The following SHB variants were observed in gnomAD, a reference collection of about 807,000 sequenced individuals.
SHB encodes SH2 domain-containing adapter protein B.
SHB carries 20 observed loss-of-function variants against 52.3 expected under a neutral mutation model. That is an observed-to-expected ratio of 0.38 (90% CI 0.27 to 0.56). The LOEUF (loss-of-function observed/expected upper bound fraction) is 0.56, where lower values mean the gene tolerates loss of function less well. Among genes scored for constraint, SHB ranks in the 20% least tolerant of loss-of-function variants. The probability of loss-of-function intolerance (pLI) is 0.71; values close to 1 mark genes in which losing one functional copy is unlikely to be tolerated. For synonymous variants in SHB, 397 were observed against 316.5 expected, an observed-to-expected ratio of 1.25 and a Z score of -2.70; for missense variants, 825 against 723.3, an observed-to-expected ratio of 1.14 and a Z score of -1.61.
At position 38,027,362 on chromosome 9, in the gene SHB, C is replaced by T. The variant is rs140203165; in HGVS notation, c.718-11231G>A. Among the ~76,000 whole-genome samples the T allele has an allele frequency of 7.2e-5, 11 of 152,208 alleles. No individual in the cohort carries two copies. The East Asian group carries it at 2.1e-3, about 29-fold the overall frequency. On this transcript the variant is annotated intron_variant, in intron 1 of 5. Transcript: ENST00000377707. Reference sequence around the variant, plus strand: ...TGCAGGAGAAGCTGAGTCAATGAACCAAGGGATACATAGTGCCTGTCACAT... The same window carrying T: ...TGCAGGAGAAGCTGAGTCAATGAACTAAGGGATACATAGTGCCTGTCACAT...
At chr9:38,042,807 T>G (rs1219714516) in intron 1 of SHB, among the ~76,000 whole-genome samples, 1 of 152,152 alleles carries the variant, frequency 6.6e-6, no homozygotes, top group Admixed American at 6.5e-5. Context: ...TAATTCTCAC[T>G]ATCCCCACCA....
chr9:37,956,959 C>G (rs1405653014), intron 3 of SHB, among the ~76,000 whole-genome samples: 1 of 152,230 alleles, frequency 6.6e-6, no homozygotes, highest in Non-Finnish European at 1.5e-5. Flanking sequence ...TGTGTCTGCT[C>G]AATGCACACA....
intron 3 of SHB, among the ~76,000 whole-genome samples, chr9:37,958,943 G>A (rs1324376666): frequency 6.6e-6 from 1 of 152,194 alleles, no homozygotes; most frequent in Non-Finnish European, 1.5e-5. Flanking sequence ...GTGACCTTGG[G>A]CAGGGGAGAG....
At chr9:37,992,616 T>C (rs1452899173) in intron 2 of SHB, among the ~76,000 whole-genome samples, 1 of 152,182 alleles carries the variant, frequency 6.6e-6, no homozygotes, top group Non-Finnish European at 1.5e-5. Flanking sequence ...GTCTGCCCCG[T>C]ACTTTATCCC....
chr9:37,991,274 G>C (rs973126204), intron 2 of SHB, among the ~76,000 whole-genome samples: 2 of 152,166 alleles, frequency 1.3e-5, no homozygotes. Context: ...GGCAGGGCTA[G>C]AATTTCCCAC....
intron 1 of SHB, among the ~76,000 whole-genome samples, chr9:38,045,766 G>C (rs540352127): frequency 6.6e-6 from 1 of 152,166 alleles, no homozygotes; most frequent in Non-Finnish European, 1.5e-5. Context: ...TTTTTGACAT[G>C]AGAACGTGGG....
chr9:37,968,600 G>C (rs1396569013), intron 3 of SHB, among the ~76,000 whole-genome samples: 1 of 152,240 alleles, frequency 6.6e-6, no homozygotes, highest in Non-Finnish European at 1.5e-5. Flanking sequence ...CGGAGACAAA[G>C]CTTCAGATGG....
intron 5 of SHB, among the ~76,000 whole-genome samples, chr9:37,921,326 G>C (rs569948765): frequency 6.6e-6 from 1 of 152,136 alleles, no homozygotes; most frequent in Non-Finnish European, 1.5e-5. Flanking sequence ...AGCCGCTGTC[G>C]CTCCCACAGG....
At chr9:37,981,101 C>A (rs890899389) in intron 2 of SHB, among the ~76,000 whole-genome samples, 2 of 152,236 alleles carry the variant, frequency 1.3e-5, no homozygotes. Flanking sequence ...TAGTCCCTAA[C>A]AAGAGAGGCA....
chr9:37,945,040 T>C (rs879612329), intron 5 of SHB, among the ~76,000 whole-genome samples: 15 of 152,102 alleles, frequency 9.9e-5, no homozygotes, highest in Admixed American at 4.6e-4. Flanking sequence ...TACGGAGGGC[T>C]CTGAAAAATA....
At chr9:37,955,268 C>T (rs17516779) in intron 4 of SHB, among the ~76,000 whole-genome samples, 10,630 of 152,248 alleles carry the variant, frequency 0.07, 455 homozygotes, top group South Asian at 0.11. Flanking sequence ...TGCAGTTCCT[C>T]CTGCCATTGA....
chr9:38,046,825 C>A (rs150771792), intron 1 of SHB, among the ~76,000 whole-genome samples: 14 of 152,340 alleles, frequency 9.2e-5, no homozygotes, highest in Admixed American at 3.9e-4. Flanking sequence ...ATCCCTTCGT[C>A]GCTTGTGGCT....
chr9:37,919,196 C>A lies in SHB; in HGVS notation c.*625G>T, dbSNP rs1415824548. 2 of 152,774 alleles carry A rather than the reference C, an allele frequency of 1.3e-5. No homozygotes were observed. The highest frequency in any genetic ancestry group is 6.8e-3 in the Middle Eastern group (2 of 294). The allele number at this position is 152,774 out of a possible 1,614,324, so 9.5% of individuals were successfully genotyped here. A position where few individuals can be genotyped will look rare whatever the true frequency, so the allele number is the denominator to read the frequency against. On this transcript the variant is annotated 3_prime_UTR_variant, in exon 6 of 6. Transcript: ENST00000377707. ...AATAATTGAATCCTCTTTTTGACTG[C>A]ACAATGATTCCTTGAAGATAGCCTA...
At position 37,968,131 on chromosome 9, in the gene SHB, TG is replaced by T. The variant is rs754618293; in HGVS notation, c.1054+6490del. The stretch of plus-strand genomic sequence containing the variant: ...GGTTTTTATGTTAAATTGAATTTTA[TG>T]TAATACAGCAAGCCCCCTCTGAACA... On this transcript the variant is annotated intron_variant, in intron 3 of 5. Transcript: ENST00000377707. Among the ~76,000 whole-genome samples, 5 of 152,378 alleles carry T rather than the reference TG, an allele frequency of 3.3e-5. No homozygotes were observed. In the East Asian group the frequency reaches 9.6e-4, roughly 29 times the overall value.
intron 2 of SHB, among the ~76,000 whole-genome samples, chr9:38,003,263 C>G (rs1821040322): frequency 6.6e-6 from 1 of 151,982 alleles, no homozygotes; most frequent in Non-Finnish European, 1.5e-5. Context: ...TCTGAGTCCC[C>G]TTCAGCTAAA....
At chr9:37,957,845 C>A (rs982620733) in intron 3 of SHB, among the ~76,000 whole-genome samples, 10 of 152,248 alleles carry the variant, frequency 6.6e-5, no homozygotes, top group African/African-American at 2.4e-4. Context: ...GAATAAATAT[C>A]TGAAGGGAGG....
intron 1 of SHB, among the ~76,000 whole-genome samples, chr9:38,048,967 A>C (rs1821697705): frequency 6.6e-6 from 1 of 152,208 alleles, no homozygotes; most frequent in Admixed American, 6.5e-5. Flanking sequence ...TTAGGGCAAC[A>C]ATACAGTCTA....
intron 1 of SHB, among the ~76,000 whole-genome samples, chr9:38,050,895 G>A (rs1821729790): frequency 6.6e-6 from 1 of 152,100 alleles, no homozygotes; most frequent in African/African-American, 2.4e-5. Context: ...GGGGTGATGG[G>A]AGAAAACACA....
At chr9:37,984,053 C>A (rs1820773631) in intron 2 of SHB, among the ~76,000 whole-genome samples, 1 of 152,246 alleles carries the variant, frequency 6.6e-6, no homozygotes, top group South Asian at 2.1e-4. Context: ...GAGAAAACGG[C>A]ACCCACTGGA....
Sources: allele counts gnomAD v4.1 joint callset (sites outside exome capture counted in the v4.1 genomes callset), GRCh38; gene constraint gnomAD v4.1.1; transcripts MANE v1.5; gene names NCBI Gene and HGNC (gene_info 2026-07-23, HGNC 2026-07-21).